The following CEP89 variants were observed in gnomAD, a reference collection of about 807,000 sequenced individuals.
CEP89 encodes centrosomal protein 89.
Under a neutral mutation model 97.6 loss-of-function variants are expected in CEP89, and 95 were observed. That is an observed-to-expected ratio of 0.97 (90% CI 0.82 to 1.15). CEP89 has a LOEUF of 1.15. CEP89 is among the 50% of genes most tolerant of loss of function. The probability of loss-of-function intolerance (pLI) is 0.00; values close to 1 mark genes in which losing one functional copy is unlikely to be tolerated. For synonymous variants in CEP89, 354 were observed against 349.1 expected, an observed-to-expected ratio of 1.01 and a Z score of -0.16; for missense variants, 869 against 947.7, an observed-to-expected ratio of 0.92 and a Z score of 1.09.
At chr19:32,937,540 A>G in intron 7 of CEP89, 91 bp downstream of exon 7, 1 of 1,106,058 alleles carries the variant, frequency 9.0e-7, no homozygotes, top group Middle Eastern at 2.1e-4. Context: ...TACAAGAAAA[A>G]GAAAATGTAA....
chr19:32,907,501 G>A (rs1411265244), intron 14 of CEP89, among the ~76,000 whole-genome samples: 1 of 151,106 alleles, frequency 6.6e-6, no homozygotes, highest in Admixed American at 6.6e-5. Flanking sequence ...GCCCAGGCTG[G>A]AGTGCAATGG....
At chr19:32,901,011 G>A (rs958246911) in intron 15 of CEP89, among the ~76,000 whole-genome samples, 3 of 149,992 alleles carry the variant, frequency 2.0e-5, no homozygotes, top group African/African-American at 4.9e-5. Flanking sequence ...TCAGCCTCCC[G>A]AGTAGCTGGG....
chr19:32,887,691 A>T, intron 17 of CEP89, 61 bp downstream of exon 17: 1 of 989,638 alleles, frequency 1.0e-6, no homozygotes, highest in Non-Finnish European at 1.6e-6. Context: ...ACAAAAATCC[A>T]CAGCAGTGAG....
intron 8 of CEP89, among the ~76,000 whole-genome samples, 159 bp from the exon 9 acceptor site, chr19:32,931,730 G>A (rs1469749757): frequency 6.6e-6 from 1 of 152,178 alleles, no homozygotes; most frequent in African/African-American, 2.4e-5. Flanking sequence ...GTCTGTGTGT[G>A]TGAATGAATA....
intron 4 of CEP89, among the ~76,000 whole-genome samples, chr19:32,952,574 A>G (rs1275028712): frequency 6.6e-6 from 1 of 152,092 alleles, no homozygotes; most frequent in African/African-American, 2.4e-5. Context: ...CTATATGTAC[A>G]GACACTATGA....
At chr19:32,924,552 G>A (rs192031869) in intron 11 of CEP89, among the ~76,000 whole-genome samples, 1 of 152,126 alleles carries the variant, frequency 6.6e-6, no homozygotes, top group Admixed American at 6.5e-5. Context: ...ATTTACTCTG[G>A]TGTGCCTGTA....
At chr19:32,931,338 T>G in intron 9 of CEP89, 91 bp downstream of exon 9, 1 of 1,194,076 alleles carries the variant, frequency 8.4e-7, no homozygotes, top group Non-Finnish European at 1.2e-6. Context: ...CATCAAATTA[T>G]AATAAATAAG....
intron 4 of CEP89, among the ~76,000 whole-genome samples, 193 bp from the exon 5 acceptor site, chr19:32,948,561 C>G (rs1031229997): frequency 6.6e-6 from 1 of 152,118 alleles, no homozygotes; most frequent in Non-Finnish European, 1.5e-5. Context: ...CTTCCAGGCC[C>G]TCAGGAAAAG....
intron 14 of CEP89, among the ~76,000 whole-genome samples, chr19:32,904,380 C>T (rs1040072580): frequency 2.0e-5 from 3 of 152,242 alleles, no homozygotes; most frequent in East Asian, 3.9e-4. Flanking sequence ...GAAAAAAACC[C>T]ACAAACTACC....
At chr19:32,885,079 A>G (rs1342364139) in intron 17 of CEP89, among the ~76,000 whole-genome samples, 1 of 152,114 alleles carries the variant, frequency 6.6e-6, no homozygotes, top group Admixed American at 6.6e-5. Flanking sequence ...TTGGTTTTTC[A>G]GCTTTAATGA....
At chr19:32,931,663 C>T (rs1435180096) in intron 8 of CEP89, 92 bp from the exon 9 acceptor site, 6 of 1,018,078 alleles carry the variant, frequency 5.9e-6, no homozygotes, top group Non-Finnish European at 7.1e-6. Flanking sequence ...TTTCTCCCCT[C>T]TTTCACGCTC....
intron 14 of CEP89, among the ~76,000 whole-genome samples, chr19:32,911,394 T>C (rs8101546): frequency 0.9 from 137,487 of 152,308 alleles, 62,236 homozygotes; most frequent in African/African-American, 0.98. Context: ...TGGTGGCTCA[T>C]GCCTGGAATC....
rs1970606872 is a variant in CEP89, at chr19:32,937,686, G to A, written c.625-13C>T. The stretch of plus-strand genomic sequence containing the variant: ...GAGGTTTTTCATCCTAGGAAAGAAA[G>A]AACATAAGAGGAATAAGTGCAGAGC... On this transcript the variant is annotated splice_polypyrimidine_tract_variant and intron_variant, in intron 6 of 18. Transcript: ENST00000305768. 6.3e-7 allele frequency: 1 copy of A among 1,595,736 alleles called. No homozygotes were observed. Among genetic ancestry groups the A allele is most frequent in the Non-Finnish European group, 8.6e-7 (1 of 1,166,166 alleles).
chr19:32,910,879 G>A (rs1015499726), intron 14 of CEP89, among the ~76,000 whole-genome samples: 2 of 152,176 alleles, frequency 1.3e-5, no homozygotes, highest in Admixed American at 6.5e-5. Flanking sequence ...TGAAGGACCC[G>A]CCTGAGCCTG....
intron 14 of CEP89, among the ~76,000 whole-genome samples, chr19:32,904,677 C>T (rs936142788): frequency 6.6e-6 from 1 of 151,574 alleles, no homozygotes; most frequent in East Asian, 1.9e-4. Flanking sequence ...CTGCAACCTC[C>T]GCCTCCCAGG....
At chr19:32,914,961 A>C (rs1449332217) in intron 14 of CEP89, among the ~76,000 whole-genome samples, 1 of 151,984 alleles carries the variant, frequency 6.6e-6, no homozygotes, top group African/African-American at 2.4e-5. Context: ...GGTGGAGGTT[A>C]CAGGTGCCGA....
At chr19:32,943,238 C>T (rs758291632) in intron 5 of CEP89, among the ~76,000 whole-genome samples, 5 of 152,236 alleles carry the variant, frequency 3.3e-5, no homozygotes, top group Non-Finnish European at 7.3e-5. Context: ...CTCGAGCAAT[C>T]CTCCTGCTTT....
intron 7 of CEP89, among the ~76,000 whole-genome samples, chr19:32,935,637 G>A (rs578034153): frequency 6.6e-5 from 10 of 152,296 alleles, no homozygotes; most frequent in African/African-American, 2.2e-4. Context: ...CTGACGCGGA[G>A]GAGACTTAAA....
intron 5 of CEP89, among the ~76,000 whole-genome samples, chr19:32,946,089 CTGT>C (rs1455879995): frequency 6.6e-6 from 1 of 152,062 alleles, no homozygotes; most frequent in Non-Finnish European, 1.5e-5. Context: ...GTAGGCAATC[CTGT>C]TGTTATTATT....
Sources: gnomAD v4.1 joint callset for allele counts (sites outside exome capture counted in the v4.1 genomes callset) on GRCh38, gnomAD v4.1.1 for gene constraint, MANE v1.5 for transcripts, NCBI Gene and HGNC (gene_info 2026-07-23, HGNC 2026-07-21) for gene names.